The following SLC15A5 variants were observed in gnomAD, a reference collection of about 807,000 sequenced individuals.
SLC15A5 encodes solute carrier family 15 member 5, also known as Peptide/histidine transporter ENSP00000340402.
Under a neutral mutation model 56.1 loss-of-function variants are expected in SLC15A5, and 58 were observed. That is an observed-to-expected ratio of 1.03 (90% CI 0.84 to 1.29). The LOEUF (loss-of-function observed/expected upper bound fraction) is 1.29. Among genes scored for constraint, SLC15A5 ranks in the 50% most tolerant of loss-of-function variants. SLC15A5 has a pLI of 0.00. For missense variants in SLC15A5, 681 were observed against 672.1 expected, an observed-to-expected ratio of 1.01 and a Z score of -0.15; for synonymous variants, 264 against 250.5, an observed-to-expected ratio of 1.05 and a Z score of -0.51.
intron 3 of SLC15A5, among the ~76,000 whole-genome samples, chr12:16,255,344 G>A (rs1045037230): frequency 6.6e-6 from 1 of 152,026 alleles, no homozygotes; most frequent in African/African-American, 2.4e-5. Flanking sequence ...ATGAAAAGAT[G>A]CTCACCTCTT....
At chr12:16,218,825 C>T (rs552875350) in intron 6 of SLC15A5, among the ~76,000 whole-genome samples, 48 of 152,188 alleles carry the variant, frequency 3.2e-4, no homozygotes, top group African/African-American at 1.0e-3. Flanking sequence ...CTGCTCCTCT[C>T]GGGAATATTT....
At chr12:16,246,642 T>C (rs942642925) in intron 3 of SLC15A5, among the ~76,000 whole-genome samples, 4 of 152,208 alleles carry the variant, frequency 2.6e-5, no homozygotes, top group Non-Finnish European at 5.9e-5. Context: ...ACTTGCAGGA[T>C]GAAAGATTAT....
At chr12:16,276,005 A>T (rs748065935) in intron 1 of SLC15A5, among the ~76,000 whole-genome samples, 36 of 151,920 alleles carry the variant, frequency 2.4e-4, no homozygotes, top group Non-Finnish European at 4.6e-4. Flanking sequence ...ACATGACATC[A>T]TATCTATTTC....
At chr12:16,231,896 A>T (rs1448245202) in intron 5 of SLC15A5, among the ~76,000 whole-genome samples, 2 of 152,220 alleles carry the variant, frequency 1.3e-5, no homozygotes, top group African/African-American at 2.4e-5. Flanking sequence ...AAGCTGAATA[A>T]CTCCATTAAA....
rs987044753 is a variant in SLC15A5 at position 16,189,778 on chromosome 12, G to A, written c.1630C>T (p.Arg544Cys). The part of the protein sequence containing the change: ...NLNHFNAQNI[R>C]GSNLEETLLL... ...AGTGTTTCTTCAAGATTACTTCCAC[G>A]GATGTTCTGGGCATTAAAATGATTT... Residue 544 changes from arginine (R) to cysteine (C), a missense_variant, in exon 9 of 9, where the codon CGT becomes TGT. Transcript: ENST00000344941. 10 of 1,522,200 alleles carry A rather than the reference G, an allele frequency of 6.6e-6. No individual in the cohort carries two copies. The East Asian group carries it at 1.2e-4, about 19-fold the overall frequency. The allele number at this position is 1,522,200 out of a possible 1,614,324, so 94.3% of individuals were successfully genotyped here.
intron 5 of SLC15A5, among the ~76,000 whole-genome samples, chr12:16,225,367 G>A (rs193235021): frequency 2.8e-4 from 43 of 152,216 alleles, no homozygotes; most frequent in African/African-American, 1.0e-3. Context: ...GTTCCTATAG[G>A]CAATACCATT....
At chr12:16,227,770 G>A (rs545108431) in intron 5 of SLC15A5, among the ~76,000 whole-genome samples, 18 of 152,276 alleles carry the variant, frequency 1.2e-4, no homozygotes, top group African/African-American at 4.3e-4. Context: ...TTAGACACAA[G>A]TGAAATGATT....
intron 8 of SLC15A5, among the ~76,000 whole-genome samples, chr12:16,191,484 C>T (rs1034431576): frequency 6.6e-6 from 1 of 151,928 alleles, no homozygotes; most frequent in Admixed American, 6.6e-5. Flanking sequence ...ACAGATACAC[C>T]TTTGGGTTTG....
chr12:16,244,471 G>T, intron 4 of SLC15A5, 109 bp downstream of exon 4: 1 of 974,644 alleles, frequency 1.0e-6, no homozygotes, highest in Non-Finnish European at 1.5e-6. Context: ...ATAACTGCCT[G>T]CCGACATATA....
At position 16,203,423 on chromosome 12, in the gene SLC15A5, A is replaced by T. The variant is rs867348937; in HGVS notation, c.1484-8970T>A. 4.6e-5 allele frequency among the ~76,000 whole-genome samples: 7 copies of T among 152,308 alleles called. No homozygotes were observed. The South Asian group carries it at 1.4e-3, about 32-fold the overall frequency. On this transcript the variant is annotated intron_variant, in intron 7 of 8. Transcript: ENST00000344941. ...TGCACATATATAAAGATGATTTAAT[A>T]TTGAAAAATTTACTAAATGCACCCT...
chr12:16,215,194 CTCTT>C (rs1271315119), intron 7 of SLC15A5, among the ~76,000 whole-genome samples: 25 of 97,974 alleles, frequency 2.6e-4, no homozygotes, highest in Non-Finnish European at 3.1e-4. Flanking sequence ...CAGAGTGAGA[CTCTT>C]TCTCAAAAAA....
intron 7 of SLC15A5, among the ~76,000 whole-genome samples, chr12:16,195,702 G>C (rs1863888603): frequency 6.6e-6 from 1 of 152,062 alleles, no homozygotes; most frequent in African/African-American, 2.4e-5. Flanking sequence ...TTGTAGGGTT[G>C]TTTCCTGCAG....
intron 7 of SLC15A5, among the ~76,000 whole-genome samples, chr12:16,201,342 T>C (rs1207863188): frequency 1.3e-5 from 2 of 152,116 alleles, no homozygotes; most frequent in Admixed American, 6.6e-5. Context: ...CTTCAAAATA[T>C]ACTACAAAGC....
intron 8 of SLC15A5, among the ~76,000 whole-genome samples, chr12:16,193,469 C>T (rs1863858456): frequency 6.6e-6 from 1 of 151,892 alleles, no homozygotes; most frequent in Non-Finnish European, 1.5e-5. Context: ...ATGACACCAC[C>T]TATCACATGG....
intron 7 of SLC15A5, among the ~76,000 whole-genome samples, chr12:16,205,055 A>G (rs545377943): frequency 6.6e-6 from 1 of 152,140 alleles, no homozygotes; most frequent in Non-Finnish European, 1.5e-5. Context: ...CAATATTCTT[A>G]AAGTATCATG....
chr12:16,207,368 G>A (rs143825961), intron 7 of SLC15A5, among the ~76,000 whole-genome samples: 60 of 152,270 alleles, frequency 3.9e-4, no homozygotes, highest in Admixed American at 2.2e-3. Context: ...TACTAATAGC[G>A]TAGATATAAT....
chr12:16,260,450 G>A (rs1864632040), intron 2 of SLC15A5, among the ~76,000 whole-genome samples: 1 of 151,442 alleles, frequency 6.6e-6, no homozygotes, highest in Non-Finnish European at 1.5e-5. Context: ...GAGAAATAGG[G>A]CTCTTCTCAT....
intron 4 of SLC15A5, among the ~76,000 whole-genome samples, chr12:16,242,101 A>G (rs1362050167): frequency 6.6e-6 from 1 of 152,318 alleles, no homozygotes; most frequent in East Asian, 1.9e-4. Flanking sequence ...CGTAATATCA[A>G]CATATTTTAG....
chr12:16,201,872 C>T (rs1240038763), intron 7 of SLC15A5, among the ~76,000 whole-genome samples: 1 of 152,108 alleles, frequency 6.6e-6, no homozygotes, highest in African/African-American at 2.4e-5. Context: ...AAAGTACAGT[C>T]TCTTCAATAA....
Sources: allele counts gnomAD v4.1 joint callset (sites outside exome capture counted in the v4.1 genomes callset), GRCh38; gene constraint gnomAD v4.1.1; transcripts MANE v1.5; gene names NCBI Gene and HGNC (gene_info 2026-07-23, HGNC 2026-07-21).